Variants in STEAP1B observed in about 807,000 individuals in gnomAD.
The protein encoded by STEAP1B is STEAP family member 1B.
In STEAP1B, 13 loss-of-function variants were observed where a neutral mutation model predicts 27.9. The observed-to-expected ratio is 0.47, with a 90% CI of 0.30 to 0.74. STEAP1B has a LOEUF of 0.74. Ranked by LOEUF, STEAP1B falls within the 30% of genes least tolerant of loss-of-function variation. STEAP1B has a pLI of 0.06. For missense variants in STEAP1B, 250 were observed against 298.7 expected, an observed-to-expected ratio of 0.84 and a Z score of 1.20; for synonymous variants, 86 against 107.1, an observed-to-expected ratio of 0.80 and a Z score of 1.22.
intron 1 of STEAP1B, among the ~76,000 whole-genome samples, chr7:22,497,891 C>T (rs1786468950): frequency 1.3e-5 from 2 of 152,134 alleles, no homozygotes; most frequent in Admixed American, 1.3e-4. Flanking sequence ...TGGTCCCCAA[C>T]CTTTTTGGCA....
chr7:22,430,729 G>C (rs1467159691), intron 4 of STEAP1B, among the ~76,000 whole-genome samples: 1 of 152,198 alleles, frequency 6.6e-6, no homozygotes, highest in African/African-American at 2.4e-5. Flanking sequence ...GTTTCCTGCT[G>C]CTTAAAGAAT....
chr7:22,496,620 T>C (rs1786446461), intron 1 of STEAP1B, among the ~76,000 whole-genome samples: 1 of 152,226 alleles, frequency 6.6e-6, no homozygotes, highest in African/African-American at 2.4e-5. Context: ...CTTACTATTG[T>C]GTTTCAACTG....
intron 4 of STEAP1B, among the ~76,000 whole-genome samples, chr7:22,445,497 T>C (rs1012541229): frequency 2.6e-5 from 4 of 152,368 alleles, no homozygotes. Flanking sequence ...AAGGCAGCTA[T>C]AAATACTCCT....
chr7:22,429,924 A>G (rs1785156530), intron 4 of STEAP1B, among the ~76,000 whole-genome samples: 1 of 152,192 alleles, frequency 6.6e-6, no homozygotes, highest in Non-Finnish European at 1.5e-5. Flanking sequence ...AAAAAAAATG[A>G]TAAAAATAAA....
intron 4 of STEAP1B, among the ~76,000 whole-genome samples, chr7:22,458,311 A>T (rs924077934): frequency 2.6e-5 from 4 of 152,230 alleles, no homozygotes; most frequent in Admixed American, 1.3e-4. Flanking sequence ...AGAAATGCAC[A>T]GGGGGCCATG....
chr7:22,436,854 T>C (rs1413650662), intron 4 of STEAP1B, among the ~76,000 whole-genome samples: 3 of 152,260 alleles, frequency 2.0e-5, no homozygotes, highest in Non-Finnish European at 4.4e-5. Context: ...GCAGTGAACA[T>C]ACAGGTGCAT....
chr7:22,497,134 C>G (rs1405478608), intron 1 of STEAP1B, among the ~76,000 whole-genome samples: 1 of 152,274 alleles, frequency 6.6e-6, no homozygotes, highest in South Asian at 2.1e-4. Flanking sequence ...TGACTCAGGC[C>G]TGGGCAATCA....
intron 4 of STEAP1B, among the ~76,000 whole-genome samples, chr7:22,424,055 T>A (rs549062949): frequency 1.3e-5 from 2 of 152,116 alleles, no homozygotes; most frequent in East Asian, 3.9e-4. Flanking sequence ...ATAAAATAAG[T>A]GAATTTATGG....
At chr7:22,495,939 G>A (rs537689746) in intron 1 of STEAP1B, among the ~76,000 whole-genome samples, 39 of 152,270 alleles carry the variant, frequency 2.6e-4, no homozygotes, top group African/African-American at 9.1e-4. Context: ...ATTGTGAAGT[G>A]TACTCCTTCT....
At chr7:22,497,248 T>C (rs1786457970) in intron 1 of STEAP1B, among the ~76,000 whole-genome samples, 1 of 152,240 alleles carries the variant, frequency 6.6e-6, no homozygotes, top group Non-Finnish European at 1.5e-5. Flanking sequence ...AGAGATGAGA[T>C]GTCTTTAACA....
At chr7:22,490,570 T>C (rs529898475) in intron 4 of STEAP1B, among the ~76,000 whole-genome samples, 1 of 152,360 alleles carries the variant, frequency 6.6e-6, no homozygotes, top group East Asian at 1.9e-4. Flanking sequence ...TATTTTGTAT[T>C]ACCGTCCTTT....
intron 4 of STEAP1B, among the ~76,000 whole-genome samples, chr7:22,423,201 T>C (rs1583625520): frequency 6.6e-6 from 1 of 152,342 alleles, no homozygotes; most frequent in Non-Finnish European, 1.5e-5. Flanking sequence ...CTTTGGAAGA[T>C]AATTGGCTGT....
At chr7:22,476,073 C>A (rs1785966524) in intron 4 of STEAP1B, among the ~76,000 whole-genome samples, 1 of 152,174 alleles carries the variant, frequency 6.6e-6, no homozygotes, top group South Asian at 2.1e-4. Context: ...ACCAACTCAG[C>A]CTCCCAAAGC....
chr7:22,440,411 G>T (rs1028207721), intron 4 of STEAP1B, among the ~76,000 whole-genome samples: 4 of 152,182 alleles, frequency 2.6e-5, no homozygotes, highest in Admixed American at 6.5e-5. Context: ...GCTGTATTTT[G>T]TAATATCTGA....
At chr7:22,467,810 T>C (rs541273199) in intron 4 of STEAP1B, among the ~76,000 whole-genome samples, 11 of 152,272 alleles carry the variant, frequency 7.2e-5, no homozygotes, top group African/African-American at 2.6e-4. Context: ...TTTATCAGCA[T>C]TGTGAAAATG....
At chr7:22,428,734 G>C (rs1046275539) in intron 4 of STEAP1B, among the ~76,000 whole-genome samples, 6 of 151,960 alleles carry the variant, frequency 3.9e-5, no homozygotes, top group African/African-American at 1.5e-4. Context: ...ACTCGGGAGG[G>C]GGAGGTTGCA....
At chr7:22,441,827 C>T (rs183009359) in intron 4 of STEAP1B, among the ~76,000 whole-genome samples, 1 of 152,364 alleles carries the variant, frequency 6.6e-6, no homozygotes, top group Admixed American at 6.5e-5. Flanking sequence ...TGCGGCTTCA[C>T]CACCTGTATA....
In STEAP1B at chr7:22,431,455, C is replaced by T. The variant is rs78432932; in HGVS notation, c.763-11619G>A. 2.6e-3 allele frequency among the ~76,000 whole-genome samples: 400 copies of T among 152,264 alleles called. 11 individuals are homozygous for T. In the East Asian group the frequency reaches 0.049, roughly 19 times the overall value. ...ATTGGTCTGAATTGGGTTGTGTGTT[C>T]TAAACCAAGCGCTGTGGCCTGGCGA... On this transcript the variant is annotated intron_variant, in intron 4 of 4. Transcript: ENST00000678116.
At chr7:22,444,321 G>A (rs979744934) in intron 4 of STEAP1B, among the ~76,000 whole-genome samples, 2 of 152,180 alleles carry the variant, frequency 1.3e-5, no homozygotes, top group Non-Finnish European at 2.9e-5. Flanking sequence ...GAGGGCGTGA[G>A]CAGGATTGGT....
Sources: gnomAD v4.1 joint callset for allele counts (sites outside exome capture counted in the v4.1 genomes callset) on GRCh38, gnomAD v4.1.1 for gene constraint, MANE v1.5 for transcripts, NCBI Gene and HGNC (gene_info 2026-07-23, HGNC 2026-07-21) for gene names.